The following TPH2 variants were observed in gnomAD, a reference collection of about 807,000 sequenced individuals.
TPH2 encodes tryptophan 5-hydroxylase 2.
A neutral mutation model predicts 59.1 loss-of-function variants in TPH2; 27 were observed. The ratio of observed to expected loss-of-function variants is 0.46; its 90% CI spans 0.34 to 0.63. The LOEUF is 0.63. Among genes scored for constraint, TPH2 ranks in the 30% least tolerant of loss-of-function variants. The pLI is 0.01. For missense variants in TPH2, 523 were observed against 588.3 expected (o/e 0.89, Z 1.15); for synonymous variants, 220 against 210.5 (o/e 1.05, Z -0.39).
chr12:71,948,094 AC>A (rs927319623), intron 4 of TPH2, among the ~76,000 whole-genome samples: 2 of 152,050 alleles, frequency 1.3e-5, no homozygotes, highest in Non-Finnish European at 2.9e-5. Context: ...GACTGCATCT[AC>A]CCTCTCCAGC....
intron 8 of TPH2, among the ~76,000 whole-genome samples, chr12:72,002,661 C>T (rs1251793058): frequency 6.6e-6 from 1 of 151,890 alleles, no homozygotes; most frequent in East Asian, 1.9e-4. Flanking sequence ...TTTTAGAATT[C>T]CAAGAAACAC....
At chr12:71,988,578 C>A (rs1215236542) in intron 7 of TPH2, among the ~76,000 whole-genome samples, 13 of 152,182 alleles carry the variant, frequency 8.5e-5, no homozygotes, top group Non-Finnish European at 1.6e-4. Flanking sequence ...CCGAGGACAG[C>A]ACCAAGAGGA....
rs1179657464 is a variant in TPH2 at position 71,995,932 on chromosome 12, A to T, written c.1068+1367A>T. ...GCTTCCAATTTGTAACTTCTGGTAT[A>T]AGGATTGTGTCTCATTTGTATTGGC... On this transcript the variant is annotated intron_variant, in intron 8 of 10. Coordinates refer to ENST00000333850, the MANE Select transcript of TPH2 (RefSeq NM_173353.4). Among the ~76,000 whole-genome samples, 3 of 152,252 alleles carry T rather than the reference A, an allele frequency of 2.0e-5. No individual in the cohort carries two copies. In the East Asian group the frequency reaches 5.8e-4, roughly 29 times the overall value.
chr12:72,014,116 A>G lies in TPH2; in HGVS notation c.1069-8283A>G, dbSNP rs140184969. Among the ~76,000 whole-genome samples, 8 of 152,296 alleles carry G rather than the reference A, an allele frequency of 5.3e-5. No individual in the cohort carries two copies. In the East Asian group the frequency reaches 1.5e-3, roughly 29 times the overall value. On this transcript the variant is annotated intron_variant, in intron 8 of 10. Coordinates refer to ENST00000333850, the MANE Select transcript of TPH2 (RefSeq NM_173353.4). The stretch of plus-strand genomic sequence containing the variant: ...TGCCTCCCAAATCTGTGAATGCTTG[A>G]TTAGTGGCTTCCTATTGCCAAAGGG...
At chr12:72,021,640 T>A (rs1309196565) in intron 8 of TPH2, among the ~76,000 whole-genome samples, 2 of 152,170 alleles carry the variant, frequency 1.3e-5, no homozygotes, top group Non-Finnish European at 2.9e-5. Flanking sequence ...TAAGCTAGGA[T>A]GTTCAGCAGG....
chr12:71,969,806 T>C (rs949771879), intron 5 of TPH2, among the ~76,000 whole-genome samples: 6 of 152,238 alleles, frequency 3.9e-5, no homozygotes, highest in African/African-American at 1.4e-4. Flanking sequence ...TTACAGCCAG[T>C]CTTCAGCTAG....
intron 8 of TPH2, among the ~76,000 whole-genome samples, chr12:72,004,099 A>G (rs759741351): frequency 1.3e-5 from 2 of 151,068 alleles, no homozygotes; most frequent in Non-Finnish European, 2.9e-5. Flanking sequence ...ATCCCAGCTC[A>G]ATGAAGATGC....
chr12:72,007,928 G>A (rs955142941), intron 8 of TPH2, among the ~76,000 whole-genome samples: 8 of 152,244 alleles, frequency 5.3e-5, no homozygotes, highest in East Asian at 3.9e-4. Context: ...TTTCCACAGC[G>A]CTGATAGAGT....
At chr12:71,970,951 A>G (rs1431189641) in intron 5 of TPH2, among the ~76,000 whole-genome samples, 1 of 152,214 alleles carries the variant, frequency 6.6e-6, no homozygotes. Context: ...TTTTTTTTAA[A>G]CAAAAATAAT....
intron 8 of TPH2, 123 bp from the exon 9 acceptor site, chr12:72,022,276 A>T (rs778330453): frequency 1.4e-6 from 1 of 716,652 alleles, no homozygotes; most frequent in Non-Finnish European, 2.5e-6. Flanking sequence ...CTTGATTTAA[A>T]TGTATTTAAA....
In TPH2 at chr12:71,986,630, C is replaced by CTTTT. The variant is rs36018735; in HGVS notation, c.941+7558_941+7561dup. 6.8e-4 allele frequency among the ~76,000 whole-genome samples: 89 copies of CTTTT among 131,350 alleles called. 4 individuals are homozygous for CTTTT. Among genetic ancestry groups the CTTTT allele is most frequent in the Middle Eastern group, 4.0e-3 (1 of 250 alleles). The allele number at this position is 131,350 out of a possible 152,430, so 86.2% of individuals were successfully genotyped here. A position where few individuals can be genotyped will look rare whatever the true frequency, so the allele number is the denominator to read the frequency against. ...AAGCTTCAATACTTCAGCCACCCTTCTTTTTTTTTTTTTTTTTTAGCAGAT... is the reference window on the plus strand; with the variant it reads ...AAGCTTCAATACTTCAGCCACCCTTCTTTTTTTTTTTTTTTTTTTTTTAGCAGAT... On this transcript the variant is annotated intron_variant, in intron 7 of 10. Coordinates refer to ENST00000333850, the MANE Select transcript of TPH2 (RefSeq NM_173353.4).
At chr12:71,945,587 G>C (rs1216793737) in intron 4 of TPH2, among the ~76,000 whole-genome samples, 1 of 152,148 alleles carries the variant, frequency 6.6e-6, no homozygotes, top group African/African-American at 2.4e-5. Flanking sequence ...GTTTGGCAGT[G>C]TGGCTATACT....
intron 9 of TPH2, among the ~76,000 whole-genome samples, chr12:72,024,557 A>G (rs1427660538): frequency 6.6e-6 from 1 of 152,232 alleles, no homozygotes; most frequent in Non-Finnish European, 1.5e-5. Flanking sequence ...CACTCTATAG[A>G]GTGTTTCTTG....
chr12:71,953,861 G>T (rs1017805039), intron 5 of TPH2, among the ~76,000 whole-genome samples: 2 of 152,082 alleles, frequency 1.3e-5, no homozygotes, highest in African/African-American at 4.8e-5. Context: ...TCAAACATGT[G>T]GTCAGAAATA....
At chr12:71,944,078 G>T (rs1871140276) in intron 2 of TPH2, among the ~76,000 whole-genome samples, 1 of 151,886 alleles carries the variant, frequency 6.6e-6, no homozygotes, top group Admixed American at 6.6e-5. Flanking sequence ...TTTTTATGAG[G>T]CAGGACAACC....
intron 8 of TPH2, among the ~76,000 whole-genome samples, chr12:72,021,470 A>G (rs1457184593): frequency 6.9e-6 from 1 of 145,162 alleles, no homozygotes; most frequent in Admixed American, 7.0e-5. Flanking sequence ...TTTTAACTTC[A>G]TGATGGTGTG....
Position 71,941,577 on chromosome 12 carries a change from C to T in TPH2, c.106-7C>T, listed in dbSNP as rs758968673. 1.9e-6 allele frequency: 3 copies of T among 1,613,364 alleles called. No homozygotes were observed. Among genetic ancestry groups the T allele is most frequent in the East Asian group, 2.2e-5 (1 of 44,862 alleles). On this transcript the variant is annotated splice_polypyrimidine_tract_variant and splice_region_variant and intron_variant, in intron 1 of 10. Transcript: ENST00000333850. ...TTTTGTTTTATTATGCTTCGACATT[C>T]CTGAAGCTAAATAAACCTAACTCTG...
At chr12:71,997,326 T>A (rs138926235) in intron 8 of TPH2, among the ~76,000 whole-genome samples, 1 of 152,232 alleles carries the variant, frequency 6.6e-6, no homozygotes, top group Non-Finnish European at 1.5e-5. Flanking sequence ...CGTCTCACTA[T>A]GTATGGCCAT....
At chr12:71,941,153 A>G (rs542420423) in intron 1 of TPH2, among the ~76,000 whole-genome samples, 312 of 152,300 alleles carry the variant, frequency 2.0e-3, no homozygotes, top group South Asian at 3.7e-3. Context: ...AACTAAAATT[A>G]TTTTCAAAAA....
Sources: gnomAD v4.1 joint callset for allele counts (sites outside exome capture counted in the v4.1 genomes callset) on GRCh38, gnomAD v4.1.1 for gene constraint, MANE v1.5 for transcripts, NCBI Gene and HGNC (gene_info 2026-07-23, HGNC 2026-07-21) for gene names.